DIS3L2: variants seen among roughly 807,000 people sequenced by gnomAD.
DIS3L2 encodes DIS3-like exonuclease 2.
A neutral mutation model predicts 97.5 loss-of-function variants in DIS3L2; 34 were observed. That is an observed-to-expected ratio of 0.35 (90% CI 0.27 to 0.46). DIS3L2 has a LOEUF of 0.46. Ranked by LOEUF, DIS3L2 falls within the 20% of genes least tolerant of loss-of-function variation. The pLI is 1.00. For missense variants in DIS3L2, 1,038 were observed against 1,146.0 expected, an observed-to-expected ratio of 0.91 and a Z score of 1.36; for synonymous variants, 435 against 445.2, an observed-to-expected ratio of 0.98 and a Z score of 0.29.
At chr2:232,093,071 C>T (rs1461987816) in intron 6 of DIS3L2, among the ~76,000 whole-genome samples, 2 of 152,100 alleles carry the variant, frequency 1.3e-5, no homozygotes, top group Non-Finnish European at 2.9e-5. Flanking sequence ...CCTTCTGTAC[C>T]CAGTTTTTCA....
chr2:232,247,250 C>A (rs1473305684), intron 11 of DIS3L2, among the ~76,000 whole-genome samples: 2 of 152,186 alleles, frequency 1.3e-5, no homozygotes, highest in African/African-American at 4.8e-5. Context: ...CACAAGAATG[C>A]ATACCCAGCA....
chr2:231,979,778 A>G (rs1475928566), intron 1 of DIS3L2, among the ~76,000 whole-genome samples: 2 of 151,912 alleles, frequency 1.3e-5, no homozygotes, highest in African/African-American at 2.4e-5. Flanking sequence ...GAGTTTCACC[A>G]TGTTGGCCAG....
chr2:231,963,683 T>A (rs1317415978), intron 1 of DIS3L2, among the ~76,000 whole-genome samples: 1 of 152,174 alleles, frequency 6.6e-6, no homozygotes, highest in Non-Finnish European at 1.5e-5. Context: ...TCAAGAAGTG[T>A]ATTTCCTGGG....
At chr2:232,096,809 T>C (rs546626792) in intron 6 of DIS3L2, among the ~76,000 whole-genome samples, 1 of 152,338 alleles carries the variant, frequency 6.6e-6, no homozygotes, top group East Asian at 1.9e-4. Context: ...TTATCTGATA[T>C]AATTCTGAAT....
intron 16 of DIS3L2, 85 bp from the exon 17 acceptor site, chr2:232,333,747 GCTGCCGAC>G: frequency 1.4e-6 from 2 of 1,478,314 alleles, no homozygotes; most frequent in Non-Finnish European, 1.8e-6. Context: ...TCCACACATC[GCTGCCGAC>G]GGTGAGGCTG....
intron 9 of DIS3L2, among the ~76,000 whole-genome samples, chr2:232,196,971 T>G (rs544121567): frequency 4.9e-4 from 75 of 152,160 alleles, no homozygotes; most frequent in African/African-American, 1.5e-3. Flanking sequence ...CCCTGAGAAG[T>G]CTCTTTGGAG....
chr2:232,025,364 A>G (rs1326179474), intron 4 of DIS3L2, among the ~76,000 whole-genome samples: 2 of 152,152 alleles, frequency 1.3e-5, no homozygotes, highest in African/African-American at 4.8e-5. Context: ...CAGATTTTAT[A>G]TGCTCAAGTG....
Position 232,067,804 on chromosome 2 carries a change from A to G in DIS3L2, c.367-19683A>G, listed in dbSNP as rs77442715. Among the ~76,000 whole-genome samples, 41 of 152,306 alleles carry G rather than the reference A, an allele frequency of 2.7e-4. 2 individuals are homozygous for G. In the East Asian group the frequency reaches 7.3e-3, roughly 27 times the overall value. ...AAGCTTTTTTATTAGGTGCATATAC[A>G]TTTGTAATCATTATATTTTACTAAT... On this transcript the variant is annotated intron_variant, in intron 5 of 20. Transcript: ENST00000325385.
Position 232,269,166 on chromosome 2 carries a change from C to T in DIS3L2, c.1659+5726C>T, listed in dbSNP as rs1030486261. 6.6e-6 allele frequency among the ~76,000 whole-genome samples: 1 copy of T among 152,138 alleles called. No homozygotes were observed. ...GGGGACTGCTCATGGCAAAATGTAGCGCTAAGGAAACTGTGTAGCATTTCT... is the reference window on the plus strand; with the variant it reads ...GGGGACTGCTCATGGCAAAATGTAGTGCTAAGGAAACTGTGTAGCATTTCT... On this transcript the variant is annotated intron_variant, in intron 13 of 20. Transcript: ENST00000325385. This position sits in a 1 kb window ranked among gnomAD's most constrained non-coding sequence, Gnocchi z 4.5.
chr2:232,337,509 G>A (rs544280172), downstream of DIS3L2, among the ~76,000 whole-genome samples: 1 of 152,156 alleles, frequency 6.6e-6, no homozygotes, highest in African/African-American at 2.4e-5. Flanking sequence ...GACACAGCCT[G>A]GGTGACACGG....
At chr2:232,045,305 A>G (rs145906859) in intron 5 of DIS3L2, among the ~76,000 whole-genome samples, 310 of 152,314 alleles carry the variant, frequency 2.0e-3, no homozygotes, top group African/African-American at 7.2e-3. Context: ...AGTTCTTGTC[A>G]GCTTTGTTGG....
intron 6 of DIS3L2, among the ~76,000 whole-genome samples, chr2:232,110,440 A>G (rs1329960848): frequency 2.6e-5 from 4 of 152,222 alleles, no homozygotes; most frequent in Admixed American, 2.6e-4. Context: ...TATGGAATCA[A>G]CCTAAATGCC....
chr2:232,342,217 A>G, intron 13 of DIS3L2, among the ~76,000 whole-genome samples: 1 of 150,662 alleles, frequency 6.6e-6, no homozygotes, highest in African/African-American at 2.5e-5. Flanking sequence ...ATACACATAT[A>G]TACACATACA....
At chr2:232,340,597 C>T (rs57309506), downstream of DIS3L2, 2,196 of 440,338 alleles carry the variant, frequency 5.0e-3, 42 homozygotes, top group African/African-American at 0.039. Context: ...GCCCTCGTGC[C>T]CAGGCAGCGC....
chr2:232,214,500 ATG>A (rs929487131), intron 10 of DIS3L2, among the ~76,000 whole-genome samples: 3 of 152,150 alleles, frequency 2.0e-5, no homozygotes, highest in Non-Finnish European at 4.4e-5. Context: ...AACAGTTATC[ATG>A]TGTCTTCTGA....
intron 10 of DIS3L2, among the ~76,000 whole-genome samples, chr2:232,224,012 C>A (rs1692575385): frequency 6.6e-6 from 1 of 152,170 alleles, no homozygotes; most frequent in South Asian, 2.1e-4. Context: ...ATCGTTTGAG[C>A]CCAGGATGTC....
intron 1 of DIS3L2, among the ~76,000 whole-genome samples, chr2:231,972,515 T>C (rs948938792): frequency 1.3e-5 from 2 of 152,196 alleles, no homozygotes; most frequent in Non-Finnish European, 2.9e-5. Flanking sequence ...GAAATGTCGT[T>C]ATGGAATGCA....
At chr2:232,098,940 A>G (rs745486691) in intron 6 of DIS3L2, among the ~76,000 whole-genome samples, 10 of 152,156 alleles carry the variant, frequency 6.6e-5, no homozygotes, top group Non-Finnish European at 1.2e-4. Flanking sequence ...CCCTGTCACT[A>G]GATCACAAAG....
chr2:231,979,321 C>T (rs1352941297), intron 1 of DIS3L2, among the ~76,000 whole-genome samples: 1 of 152,090 alleles, frequency 6.6e-6, no homozygotes, highest in Non-Finnish European at 1.5e-5. Context: ...GTAGCATGAT[C>T]TCAGCTCACT....
Sources: gnomAD v4.1 joint callset for allele counts (sites outside exome capture counted in the v4.1 genomes callset) on GRCh38, gnomAD v4.1.1 for gene constraint, Gnocchi (gnomAD v3.1) non-coding constraint, MANE v1.5 for transcripts, NCBI Gene and HGNC (gene_info 2026-07-23, HGNC 2026-07-21) for gene names.